Variants in C12orf42 observed in about 807,000 individuals in gnomAD.
C12orf42 encodes the protein uncharacterized protein C12orf42.
C12orf42 carries 25 observed loss-of-function variants against 21.6 expected under a neutral mutation model. The ratio of observed to expected loss-of-function variants is 1.16; its 90% CI spans 0.84 to 1.62. The LOEUF (loss-of-function observed/expected upper bound fraction) is 1.62. Among genes scored for constraint, C12orf42 ranks in the 40% most tolerant of loss-of-function variants. The probability of loss-of-function intolerance (pLI) is 0.00; values close to 1 mark genes in which losing one functional copy is unlikely to be tolerated. For missense variants in C12orf42, 483 were observed against 459.3 expected (o/e 1.05, Z -0.47); for synonymous variants, 174 against 175.0 (o/e 0.99, Z 0.05).
At chr12:103,558,212 A>T in the C12orf42 span, 1 of 152,132 alleles carries the variant, frequency 6.6e-6, no homozygotes, top group Non-Finnish European at 1.5e-5. Context: ...GACCCTTCCA[A>T]TCTATTATTT....
At chr12:103,194,531 A>T in the C12orf42 span, among the ~76,000 whole-genome samples, 1 of 152,180 alleles carries the variant, frequency 6.6e-6, no homozygotes, top group African/African-American at 2.4e-5. Context: ...ACAACAAAGC[A>T]TACCAAAAGA....
At chr12:103,285,114 A>T (rs1187200658) in intron 4 of C12orf42, among the ~76,000 whole-genome samples, 2 of 152,182 alleles carry the variant, frequency 1.3e-5, no homozygotes, top group Non-Finnish European at 2.9e-5. Flanking sequence ...ATCAGTACAT[A>T]TGGAAAAGCC....
At chr12:103,306,943 A>G (rs1042671354) in intron 4 of C12orf42, among the ~76,000 whole-genome samples, 4 of 152,182 alleles carry the variant, frequency 2.6e-5, no homozygotes, top group African/African-American at 9.7e-5. Context: ...AGGTGAAGAC[A>G]GGGACAGATA....
At chr12:103,250,874 CTG>C (rs3063697) in intron 10 of C12orf42, among the ~76,000 whole-genome samples, 28,977 of 149,146 alleles carry the variant, frequency 0.19, 2,757 homozygotes, top group South Asian at 0.24. Flanking sequence ...TCTTTTATCA[CTG>C]TGTGTGTGTG....
chr12:103,321,261 A>G (rs994376155), intron 4 of C12orf42, among the ~76,000 whole-genome samples: 22 of 151,682 alleles, frequency 1.5e-4, no homozygotes, highest in African/African-American at 5.1e-4. Context: ...AACACATGAA[A>G]AAATGCTCAT....
intron 4 of C12orf42, among the ~76,000 whole-genome samples, chr12:103,357,080 A>C (rs1252909630): frequency 7.0e-6 from 1 of 142,446 alleles, no homozygotes; most frequent in Non-Finnish European, 1.5e-5. Flanking sequence ...TCTCACTCAT[A>C]GGTGGGAATT....
chr12:103,293,439 TC>T (rs1441432194), intron 4 of C12orf42, among the ~76,000 whole-genome samples: 2 of 152,088 alleles, frequency 1.3e-5, no homozygotes, highest in Non-Finnish European at 1.5e-5. Flanking sequence ...AGTTGATCAG[TC>T]CCTGGTTGCT....
chr12:103,337,886 T>C (rs539873081), intron 4 of C12orf42, among the ~76,000 whole-genome samples: 4 of 152,282 alleles, frequency 2.6e-5, no homozygotes, highest in Non-Finnish European at 5.9e-5. Context: ...TGCTCTTTTA[T>C]TTGCCAAGAT....
At chr12:103,294,458 GAAAGAAAGAAAGAAA>G (rs1566025380) in intron 4 of C12orf42, among the ~76,000 whole-genome samples, 25 of 114,668 alleles carry the variant, frequency 2.2e-4, no homozygotes, top group African/African-American at 9.2e-4. Context: ...AAGAAAGAAA[GAAAGAAAGAAAGAAA>G]TAAGCAAGCA....
At position 103,306,162 on chromosome 12, in the gene C12orf42, C is replaced by T; in HGVS notation, c.443G>A (p.Gly148Glu). 1.2e-6 allele frequency: 2 copies of T among 1,613,922 alleles called. No individual in the cohort carries two copies. Among genetic ancestry groups the T allele is most frequent in the Non-Finnish European group, 8.5e-7 (1 of 1,179,868 alleles). ...DEAPLIFTAR[G>E]ETEERARGAP... The stretch of plus-strand genomic sequence containing the variant: ...TCCTCTGGCTCTCTCCTCAGTTTCT[C>T]CTCTGGCAGTAAAAATCAATGGGGC... The change falls in exon 5 of 6, where the codon GGA (glycine) becomes GAA (glutamate). Residue 148 changes from glycine (G) to glutamate (E), a missense_variant. Physicochemically the swap from Gly to Glu is moderately conservative, Grantham distance 98 (BLOSUM62 -2). Transcript: ENST00000548883.
At chr12:103,546,181 A>G in the C12orf42 span, among the ~76,000 whole-genome samples, 1 of 152,252 alleles carries the variant, frequency 6.6e-6, no homozygotes, top group Non-Finnish European at 1.5e-5. Flanking sequence ...GTGACCACAT[A>G]GCCAAGGAAT....
rs1203435425 is a variant in C12orf42, at chr12:103,471,902, CA to C, written c.78+6446del. On this transcript the variant is annotated intron_variant, in intron 2 of 5. Coordinates refer to ENST00000548883, the MANE Select transcript of C12orf42 (RefSeq NM_198521.5). ...TGTATAACCTGCTGCAAATTGATCACAACACAGAGACTTTAAACATTCACTT... is the reference window on the plus strand; with the variant it reads ...TGTATAACCTGCTGCAAATTGATCACACACAGAGACTTTAAACATTCACTT... 5 of 152,126 alleles carry C rather than the reference CA, an allele frequency of 3.3e-5. 1 individual carries two copies. The highest frequency in any genetic ancestry group is 2.6e-4 in the Admixed American group (4 of 15,266). The allele number at this position is 152,126 out of a possible 1,614,324, so 9.4% of individuals were successfully genotyped here.
intron 2 of C12orf42, among the ~76,000 whole-genome samples, chr12:103,457,301 T>C (rs987485693): frequency 1.3e-5 from 2 of 152,222 alleles, no homozygotes; most frequent in Non-Finnish European, 2.9e-5. Flanking sequence ...GGGAAGAAAG[T>C]AGCTTTTAAG....
the C12orf42 span, among the ~76,000 whole-genome samples, chr12:103,166,280 ATATT>A: frequency 6.6e-6 from 1 of 152,194 alleles, no homozygotes; most frequent in Non-Finnish European, 1.5e-5. Flanking sequence ...GTTGTTCTGA[ATATT>A]TAATGAGATA....
the C12orf42 span, among the ~76,000 whole-genome samples, chr12:103,070,449 G>T: frequency 6.6e-6 from 1 of 151,606 alleles, no homozygotes; most frequent in African/African-American, 2.4e-5. Context: ...TCTCCACAAT[G>T]TTGACTTTCA....
the C12orf42 span, among the ~76,000 whole-genome samples, chr12:103,123,136 T>C: frequency 6.6e-6 from 1 of 152,126 alleles, no homozygotes; most frequent in African/African-American, 2.4e-5. Flanking sequence ...AGAGTAAAAT[T>C]TTGGAATTTT....
At chr12:103,171,479 TAAG>T in the C12orf42 span, among the ~76,000 whole-genome samples, 1 of 152,136 alleles carries the variant, frequency 6.6e-6, no homozygotes, top group East Asian at 1.9e-4. Flanking sequence ...GAAGAACTGT[TAAG>T]AAGGAGTATT....
intron 10 of C12orf42, among the ~76,000 whole-genome samples, chr12:103,261,461 A>G (rs2034894183): frequency 6.8e-6 from 1 of 147,512 alleles, no homozygotes; most frequent in African/African-American, 2.6e-5. Context: ...CAGCTGGGTG[A>G]CAATGAGACT....
At chr12:103,328,090 C>T (rs2040873190) in intron 4 of C12orf42, among the ~76,000 whole-genome samples, 1 of 152,164 alleles carries the variant, frequency 6.6e-6, no homozygotes, top group South Asian at 2.1e-4. Flanking sequence ...CAGCCTCCTT[C>T]TTCATGGTGA....
Sources: gnomAD v4.1 joint callset for allele counts (sites outside exome capture counted in the v4.1 genomes callset) on GRCh38, gnomAD v4.1.1 for gene constraint, MANE v1.5 for transcripts, NCBI Gene and HGNC (gene_info 2026-07-23, HGNC 2026-07-21) for gene names.